TBC1D9: variants seen among roughly 807,000 people sequenced by gnomAD.
TBC1D9 encodes the protein TBC1 domain family member 9A.
TBC1D9 carries 63 observed loss-of-function variants against 132.0 expected under a neutral mutation model. The ratio of observed to expected loss-of-function variants is 0.48; its 90% CI spans 0.39 to 0.59. The LOEUF (loss-of-function observed/expected upper bound fraction) is 0.59, where lower values mean the gene tolerates loss of function less well. TBC1D9 is among the 20% of genes least tolerant of loss of function. The pLI is 0.00. For synonymous variants in TBC1D9, 610 were observed against 609.9 expected, an observed-to-expected ratio of 1.00 and a Z score of 0.00; for missense variants, 1,261 against 1,592.7, an observed-to-expected ratio of 0.79 and a Z score of 3.54.
At chr4:140,755,588 A>AG (rs948288224) in intron 1 of TBC1D9, among the ~76,000 whole-genome samples, 2 of 152,040 alleles carry the variant, frequency 1.3e-5, no homozygotes, top group Non-Finnish European at 1.5e-5. Flanking sequence ...AATATTTTTA[A>AG]GGGGGGGAGG....
chr4:140,680,546 C>A (rs1253946359), intron 3 of TBC1D9, among the ~76,000 whole-genome samples: 1 of 152,140 alleles, frequency 6.6e-6, no homozygotes, highest in African/African-American at 2.4e-5. Flanking sequence ...ACATATATCT[C>A]GATGGAAAAT....
chr4:140,701,939 G>A (rs1738076657), intron 1 of TBC1D9, among the ~76,000 whole-genome samples: 1 of 152,188 alleles, frequency 6.6e-6, no homozygotes, highest in Non-Finnish European at 1.5e-5. Flanking sequence ...CCTACTATGT[G>A]CAAAACAAAC....
chr4:140,638,908 A>C (rs1736920804), intron 15 of TBC1D9, among the ~76,000 whole-genome samples, 178 bp downstream of exon 15: 1 of 152,246 alleles, frequency 6.6e-6, no homozygotes, highest in Non-Finnish European at 1.5e-5. Flanking sequence ...TAAAACATCA[A>C]CTTAAATTGG....
intron 13 of TBC1D9, among the ~76,000 whole-genome samples, chr4:140,645,906 C>T (rs1409299460): frequency 6.6e-6 from 1 of 152,244 alleles, no homozygotes; most frequent in African/African-American, 2.4e-5. Context: ...TGCTAATTGT[C>T]ATCTCACCAG....
intron 13 of TBC1D9, chr4:140,643,240 T>TCTCCAG (rs1460102426): frequency 4.5e-6 from 6 of 1,324,378 alleles, no homozygotes; most frequent in Non-Finnish European, 6.3e-6. Context: ...TTGCTCCTCC[T>TCTCCAG]CTCCAGCTCC....
intron 6 of TBC1D9, among the ~76,000 whole-genome samples, chr4:140,674,634 A>T (rs1375742272): frequency 2.0e-5 from 3 of 151,544 alleles, no homozygotes; most frequent in African/African-American, 4.8e-5. Context: ...TGTGCAATAG[A>T]CCAAGGCCCC....
chr4:140,703,768 G>A (rs947204364), intron 1 of TBC1D9, among the ~76,000 whole-genome samples: 4 of 152,044 alleles, frequency 2.6e-5, no homozygotes, highest in South Asian at 2.1e-4. Context: ...TGTTAGCTCC[G>A]GCCTGTATGA....
chr4:140,750,951 C>T (rs1322425316), intron 1 of TBC1D9, among the ~76,000 whole-genome samples: 1 of 151,872 alleles, frequency 6.6e-6, no homozygotes, highest in African/African-American at 2.4e-5. Flanking sequence ...GATAAACTCA[C>T]TGTAAATTGA....
Position 140,639,345 on chromosome 4 carries a change from A to T in TBC1D9, c.2421T>A (p.Thr807=). 1 of 1,611,966 alleles carries T rather than the reference A, an allele frequency of 6.2e-7. No individual in the cohort carries two copies. Among genetic ancestry groups the T allele is most frequent in the Non-Finnish European group, 8.5e-7 (1 of 1,178,958 alleles). Residue 807 remains threonine, a synonymous_variant, in exon 14 of 21, where the codon ACT becomes ACA. Transcript: ENST00000442267. ...RLKVIQTLED[T]TKRNVVRTIV... ...AAGGACTTACCACGTTGCGTTTCGTAGTATCCTCCAGCGTCTGGATCACTT... is the reference window on the plus strand; with the variant it reads ...AAGGACTTACCACGTTGCGTTTCGTTGTATCCTCCAGCGTCTGGATCACTT...
intron 1 of TBC1D9, among the ~76,000 whole-genome samples, chr4:140,717,176 A>G (rs2111054570): frequency 6.6e-6 from 1 of 152,306 alleles, no homozygotes; most frequent in African/African-American, 2.4e-5. Context: ...ACCCTAAATA[A>G]AAGTCATAAT....
At chr4:140,634,248 C>T (rs560137213) in intron 15 of TBC1D9, 60 bp from the exon 16 acceptor site, 28 of 1,577,910 alleles carry the variant, frequency 1.8e-5, no homozygotes, top group East Asian at 9.0e-5. Context: ...AGAAAGAAAA[C>T]GCCCATCCTC....
Position 140,657,783 on chromosome 4 carries a change from C to T in TBC1D9, c.1951G>A (p.Glu651Lys), listed in dbSNP as rs565153478. 1.9e-6 allele frequency: 3 copies of T among 1,613,528 alleles called. No homozygotes were observed. Among genetic ancestry groups the T allele is most frequent in the Non-Finnish European group, 2.5e-6 (3 of 1,179,698 alleles). The stretch of plus-strand genomic sequence containing the variant: ...TGTGGGACGTAGTCTCGTGCTAGCT[C>T]CTCAAAGACACCTTGGTCCACCAGT... ...GALVDQGVFE[E>K]LARDYVPQLY... is the part of the protein sequence containing the mutation. The change falls in exon 12 of 21, where the codon GAG becomes AAG. Residue 651 changes from glutamate (E) to lysine (K), a missense_variant. Glu to Lys is a moderately conservative substitution (Grantham distance 56, BLOSUM62 1). This residue lies in a region of TBC1D9 where 93 missense variants were observed against 169.2 expected (regional missense o/e 0.55). Transcript: ENST00000442267.
intron 6 of TBC1D9, among the ~76,000 whole-genome samples, chr4:140,671,138 C>T (rs996971846): frequency 6.6e-5 from 10 of 152,044 alleles, no homozygotes; most frequent in African/African-American, 9.7e-5. Flanking sequence ...AAACTGGAAC[C>T]GTCTTGCTGG....
chr4:140,716,536 T>C (rs1347455059), intron 1 of TBC1D9, among the ~76,000 whole-genome samples: 1 of 152,048 alleles, frequency 6.6e-6, no homozygotes, highest in Non-Finnish European at 1.5e-5. Flanking sequence ...AAATCATCAT[T>C]GGCAATAACA....
intron 2 of TBC1D9, among the ~76,000 whole-genome samples, chr4:140,697,126 T>C (rs1737971962): frequency 6.6e-6 from 1 of 152,134 alleles, no homozygotes; most frequent in Non-Finnish European, 1.5e-5. Context: ...CTTGTAAACC[T>C]AGCACTTTGG....
At chr4:140,748,692 C>G (rs1398997474) in intron 1 of TBC1D9, among the ~76,000 whole-genome samples, 3 of 152,146 alleles carry the variant, frequency 2.0e-5, no homozygotes, top group Non-Finnish European at 4.4e-5. Flanking sequence ...TAAGTGCCAA[C>G]CATTCAAAAC....
At chr4:140,741,704 C>A (rs1738761021) in intron 1 of TBC1D9, among the ~76,000 whole-genome samples, 1 of 152,142 alleles carries the variant, frequency 6.6e-6, no homozygotes. Context: ...GGCGGCAGAG[C>A]CAGACCCTGT....
At position 140,622,417 on chromosome 4, in the gene TBC1D9, G is replaced by T. The variant is rs1225766124; in HGVS notation, c.3579C>A (p.Gly1193=). 3 of 1,613,436 alleles carry T rather than the reference G, an allele frequency of 1.9e-6. No homozygotes were observed. Among genetic ancestry groups the T allele is most frequent in the Non-Finnish European group, 8.5e-7 (1 of 1,179,522 alleles). ...IGEDTVLVRS[G]QGTAALPRST... is the part of the protein sequence containing the mutation. Reference sequence around the variant, plus strand: ...TCCGGGGCAGTGCCGCCGTGCCCTGGCCGCTCCGCACCAGGACCGTGTCCT... The same window carrying T: ...TCCGGGGCAGTGCCGCCGTGCCCTGTCCGCTCCGCACCAGGACCGTGTCCT... Residue 1193 remains glycine (G), a synonymous_variant, in exon 21 of 21, where the codon GGC becomes GGA. Coordinates refer to ENST00000442267, the MANE Select transcript of TBC1D9 (RefSeq NM_015130.3).
At chr4:140,638,964 C>G (rs989599992) in intron 15 of TBC1D9, 122 bp downstream of exon 15, 1 of 692,104 alleles carries the variant, frequency 1.4e-6, no homozygotes, top group Non-Finnish European at 2.4e-6. Flanking sequence ...GTTTTGTACT[C>G]TCAGCTCTAG....
Sources: gnomAD v4.1 joint callset for allele counts (sites outside exome capture counted in the v4.1 genomes callset) on GRCh38, gnomAD v4.1.1 for gene constraint, gnomAD v4.1.1 regional missense constraint, MANE v1.5 for transcripts, NCBI Gene and HGNC (gene_info 2026-07-23, HGNC 2026-07-21) for gene names.